PRRT1: variants seen among roughly 807,000 people sequenced by gnomAD.
PRRT1 encodes proline rich transmembrane protein 1, also known as proline-rich transmembrane protein 1.
A neutral mutation model predicts 22.6 loss-of-function variants in PRRT1; 8 were observed. That is an observed-to-expected ratio of 0.35 (90% CI 0.21 to 0.64). The LOEUF is 0.64. Among genes scored for constraint, PRRT1 ranks in the 30% least tolerant of loss-of-function variants. The pLI, the probability that PRRT1 is intolerant of heterozygous loss-of-function variation, is 0.69. For synonymous variants in PRRT1, 176 were observed against 203.6 expected, an observed-to-expected ratio of 0.86 and a Z score of 1.15; for missense variants, 315 against 444.5, an observed-to-expected ratio of 0.71 and a Z score of 2.62.
rs1018946194 is a variant in PRRT1, at chr6:32,151,832, G to A, written c.-5C>T. 1 of 1,610,848 alleles carries A rather than the reference G, an allele frequency of 6.2e-7. No individual in the cohort carries two copies. The highest frequency in any genetic ancestry group is 1.7e-5 in the Admixed American group (1 of 59,838). On this transcript the variant is annotated 5_prime_UTR_variant, in exon 1 of 4. Transcript: ENST00000211413. ...ACCTGACTTTTCGGATGACATGCCT[G>A]CGGTCTCGCTGGGACAGGGTCCCTG...
chr6:32,149,117 G>T lies in PRRT1; in HGVS notation c.*105C>A. On this transcript the variant is annotated 3_prime_UTR_variant, in exon 4 of 4. Coordinates refer to ENST00000211413, the MANE Select transcript of PRRT1 (RefSeq NM_030651.4). The surrounding 1 kb of genome is among the most constrained non-coding windows in gnomAD (Gnocchi z 8.7). ...AGTTTACGATGTATCCAAGTCTGACGGCCCCAGAAACGGGTGTGCAGGGCG... is the reference window on the plus strand; with the variant it reads ...AGTTTACGATGTATCCAAGTCTGACTGCCCCAGAAACGGGTGTGCAGGGCG... 8.4e-7 allele frequency: 1 copy of T among 1,193,348 alleles called. No homozygotes were observed. 73.9% of individuals were successfully genotyped at this position (1,193,348 alleles called of 1,614,324 possible).
Position 32,150,966 on chromosome 6 carries a change from A to G in PRRT1, c.20-60T>C, listed in dbSNP as rs1783236974. 1 of 1,341,182 alleles carries G rather than the reference A, an allele frequency of 7.5e-7. No individual in the cohort carries two copies. The highest frequency in any genetic ancestry group is 2.0e-5 in the Admixed American group (1 of 50,630). 83.1% of individuals were successfully genotyped at this position (1,341,182 alleles called of 1,614,324 possible). ...AAGATGACACAGTGATGAGTTGAGG[A>G]GGGGGTAAGGGGAAACACAGCCGGT... On this transcript the variant is annotated intron_variant, in intron 1 of 3. Transcript: ENST00000211413. This position sits in a 1 kb window ranked among gnomAD's most constrained non-coding sequence, Gnocchi z 7.2.
Position 32,151,799 on chromosome 6 carries a change from T to C in PRRT1, c.19+10A>G, listed in dbSNP as rs780924618. 33 of 1,607,232 alleles carry C rather than the reference T, an allele frequency of 2.1e-5. No individual in the cohort carries two copies. Among genetic ancestry groups the C allele is most frequent in the Non-Finnish European group, 2.8e-5 (33 of 1,176,714 alleles). ...GTGGAGGGGGTGGGAGGTTTTGTTA[T>C]TGTTTTTACCTGACTTTTCGGATGA... On this transcript the variant is annotated intron_variant, in intron 1 of 3. Coordinates refer to ENST00000211413, the MANE Select transcript of PRRT1 (RefSeq NM_030651.4).
Position 32,150,519 on chromosome 6 carries a change from G to A in PRRT1, c.407C>T (p.Ala136Val). The change falls in exon 2 of 4, where the codon GCG becomes GTG. Residue 136 changes from alanine to valine, a missense_variant. Ala to Val is a moderately conservative substitution (Grantham distance 64, BLOSUM62 0). Around this residue, in one of 4 missense-constraint regions of PRRT1, gnomAD observed 263 missense variants for 328.5 expected, o/e 0.80. Coordinates refer to ENST00000211413, the MANE Select transcript of PRRT1 (RefSeq NM_030651.4). The surrounding 1 kb of genome is among the most constrained non-coding windows in gnomAD (Gnocchi z 7.2). ...AGGGGCCTGGGCAGTCTGGGCTGGC[G>A]CCGGCGGGGGCGGGGCGGCGGCAGC... ...PPAAAAPPPP[A>V]PAQTAQAPGF... 2 of 1,386,724 alleles carry A rather than the reference G, an allele frequency of 1.4e-6. No homozygotes were observed. Among genetic ancestry groups the A allele is most frequent in the Admixed American group, 3.8e-5 (1 of 26,146 alleles). 85.9% of individuals were successfully genotyped at this position (1,386,724 alleles called of 1,614,324 possible). A position where few individuals can be genotyped will look rare whatever the true frequency, so the allele number is the denominator to read the frequency against.
chr6:32,151,666 G>A, intron 1 of PRRT1, 143 bp downstream of exon 1: 1 of 632,070 alleles, frequency 1.6e-6, no homozygotes, highest in Admixed American at 2.3e-5. Flanking sequence ...AAGAGGAGGG[G>A]GACTGGGGGA....
upstream of PRRT1, chr6:32,151,997 G>GGGGGGGGGT: frequency 2.6e-6 from 1 of 382,312 alleles, no homozygotes; most frequent in South Asian, 1.8e-5. Flanking sequence ...GCGGGGAGGG[G>GGGGGGGGGT]GGGAGCTTAA....
rs1286681526 is a variant in PRRT1 at position 32,151,849 on chromosome 6, G to C, written c.-22C>G. The C allele has an allele frequency of 6.2e-7, 1 of 1,609,366 alleles. No individual in the cohort carries two copies. Among genetic ancestry groups the C allele is most frequent in the African/African-American group, 1.3e-5 (1 of 74,390 alleles). On this transcript the variant is annotated 5_prime_UTR_variant, in exon 1 of 4. Transcript: ENST00000211413. ...ACATGCCTGCGGTCTCGCTGGGACAGGGTCCCTGCAGCCGGAGTGGGGGTC... is the reference window on the plus strand; with the variant it reads ...ACATGCCTGCGGTCTCGCTGGGACACGGTCCCTGCAGCCGGAGTGGGGGTC...
Position 32,148,488 on chromosome 6 carries a change from T to C in PRRT1, c.*734A>G. 1 of 292,398 alleles carries C rather than the reference T, an allele frequency of 3.4e-6. No individual in the cohort carries two copies. The highest frequency in any genetic ancestry group is 3.3e-5 in the South Asian group (1 of 30,528). 18.1% of individuals were successfully genotyped at this position (292,398 alleles called of 1,614,324 possible). A position where few individuals can be genotyped will look rare whatever the true frequency, so the allele number is the denominator to read the frequency against. On this transcript the variant is annotated 3_prime_UTR_variant, in exon 4 of 4. Transcript: ENST00000211413. The surrounding 1 kb of genome is among the most constrained non-coding windows in gnomAD (Gnocchi z 5.7). ...TGGGAGGTCCATAGCCTGGATTCCC[T>C]TCTGCCCGGCTGCCCAGGGGCTGGG...
At position 32,149,687 on chromosome 6, in the gene PRRT1, C is replaced by T; in HGVS notation, c.594G>A (p.Val198=). ...GGGGCGGCGGGGGGAGAGTGGAGGT[C>T]ACTCCTGTTCCCCCCGGGGTCCCGC... ...YAGGTPGGTG[V]TSTLPPPPQG... The change falls in exon 3 of 4, where the codon GTG becomes GTA. Residue 198 remains valine, a synonymous_variant. Coordinates refer to ENST00000211413, the MANE Select transcript of PRRT1 (RefSeq NM_030651.4). This position sits in a 1 kb window ranked among gnomAD's most constrained non-coding sequence, Gnocchi z 8.7. The T allele has an allele frequency of 6.2e-7, 1 of 1,605,272 alleles. No homozygotes were observed.
chr6:32,151,996 G>C, upstream of PRRT1: 19 of 382,498 alleles, frequency 5.0e-5, no homozygotes, highest in South Asian at 2.8e-4. Context: ...AGCGGGGAGG[G>C]GGGGAGCTTA....
Position 32,149,749 on chromosome 6 carries a change from G to T in PRRT1, c.559-27C>A, listed in dbSNP as rs1372935420. On this transcript the variant is annotated intron_variant, in intron 2 of 3. Coordinates refer to ENST00000211413, the MANE Select transcript of PRRT1 (RefSeq NM_030651.4). The surrounding 1 kb of genome is among the most constrained non-coding windows in gnomAD (Gnocchi z 8.7). ...TGTGGAAGGAAATTTGGGGGGCAGG[G>T]GCATCACTCTGACCCTCTCCCAGCC... 1 of 1,477,508 alleles carries T rather than the reference G, an allele frequency of 6.8e-7. No homozygotes were observed. The allele number at this position is 1,477,508 out of a possible 1,614,324, so 91.5% of individuals were successfully genotyped here.
chr6:32,151,969 G>C, upstream of PRRT1: 2 of 292,500 alleles, frequency 6.8e-6, no homozygotes, highest in Non-Finnish European at 1.4e-5. Flanking sequence ...GGGGGCGGGG[G>C]GGGCGGGCGG....
upstream of PRRT1, chr6:32,152,080 C>G (rs2127381040): frequency 1.4e-6 from 1 of 704,168 alleles, no homozygotes; most frequent in Non-Finnish European, 2.6e-6. Flanking sequence ...CGGACCACCT[C>G]TCTCCTCCTC....
chr6:32,152,708 G>A (rs1187227872), upstream of PRRT1: 2 of 155,138 alleles, frequency 1.3e-5, no homozygotes, highest in African/African-American at 4.8e-5. Context: ...GAGTCTCTGG[G>A]CTGGTCAATG....
Position 32,149,993 on chromosome 6 carries a change from C to T in PRRT1, c.559-271G>A. The T allele has an allele frequency of 1.9e-6, 1 of 521,232 alleles. No homozygotes were observed. The highest frequency in any genetic ancestry group is 3.3e-6 in the Non-Finnish European group (1 of 298,928). 32.3% of individuals were successfully genotyped at this position (521,232 alleles called of 1,614,324 possible). On this transcript the variant is annotated intron_variant, in intron 2 of 3. Coordinates refer to ENST00000211413, the MANE Select transcript of PRRT1 (RefSeq NM_030651.4). The surrounding 1 kb of genome is among the most constrained non-coding windows in gnomAD (Gnocchi z 8.7). Reference sequence around the variant, plus strand: ...GGGCTGTCCTGGCCTCAGGTCAGACCTTCTTTCTTCCCTCCAGACACCTAC... The same window carrying T: ...GGGCTGTCCTGGCCTCAGGTCAGACTTTCTTTCTTCCCTCCAGACACCTAC...
chr6:32,150,764 G>A lies in PRRT1; in HGVS notation c.162C>T (p.Ala54=). Residue 54 remains alanine (A), a synonymous_variant, in exon 2 of 4, where the codon GCC becomes GCT. Transcript: ENST00000211413. The surrounding 1 kb of genome is among the most constrained non-coding windows in gnomAD (Gnocchi z 7.2). Reference sequence around the variant, plus strand: ...CCCCTGCCCCTAAGCGCGGGAGGGTGGCGGTGCCAGACTGATGGTAGTGGT... The same window carrying A: ...CCCCTGCCCCTAAGCGCGGGAGGGTAGCGGTGCCAGACTGATGGTAGTGGT... ...HHHHYHQSGT[A]TLPRLGAGGL... 6.5e-7 allele frequency: 1 copy of A among 1,546,234 alleles called. No homozygotes were observed. The highest frequency in any genetic ancestry group is 1.8e-4 in the Middle Eastern group (1 of 5,638).
chr6:32,148,494 C>G lies in PRRT1; in HGVS notation c.*728G>C, dbSNP rs1174565674. 3.5e-6 allele frequency: 1 copy of G among 288,660 alleles called. No individual in the cohort carries two copies. Among genetic ancestry groups the G allele is most frequent in the Non-Finnish European group, 6.9e-6 (1 of 144,344 alleles). 17.9% of individuals were successfully genotyped at this position (288,660 alleles called of 1,614,324 possible). Reference sequence around the variant, plus strand: ...GTCCATAGCCTGGATTCCCTTCTGCCCGGCTGCCCAGGGGCTGGGATGGGT... The same window carrying G: ...GTCCATAGCCTGGATTCCCTTCTGCGCGGCTGCCCAGGGGCTGGGATGGGT... On this transcript the variant is annotated 3_prime_UTR_variant, in exon 4 of 4. Transcript: ENST00000211413. The surrounding 1 kb of genome is among the most constrained non-coding windows in gnomAD (Gnocchi z 5.7).
intron 1 of PRRT1, chr6:32,151,330 C>T: frequency 2.3e-6 from 1 of 431,220 alleles, no homozygotes; most frequent in Middle Eastern, 7.1e-4. Flanking sequence ...TGTGGGATGA[C>T]ATGTGTTCCA....
In PRRT1 at chr6:32,148,726, C is replaced by T. The variant is rs1361721307; in HGVS notation, c.*496G>A. ...GTGGGGGCCTTACTACCCCAGGGCT[C>T]GGTCCTTTTGCCGGAAGAAAGGGAG... is the stretch of plus-strand genomic sequence containing the variant. On this transcript the variant is annotated 3_prime_UTR_variant, in exon 4 of 4. Transcript: ENST00000211413. The surrounding 1 kb of genome is among the most constrained non-coding windows in gnomAD (Gnocchi z 5.7). The T allele has an allele frequency of 2.2e-6, 1 of 456,400 alleles. No individual in the cohort carries two copies. The highest frequency in any genetic ancestry group is 6.9e-5 in the East Asian group (1 of 14,490). The allele number at this position is 456,400 out of a possible 1,614,324, so 28.3% of individuals were successfully genotyped here.
Sources: gnomAD v4.1 joint callset for allele counts on GRCh38, gnomAD v4.1.1 for gene constraint, gnomAD v4.1.1 regional missense constraint, Gnocchi (gnomAD v3.1) non-coding constraint, MANE v1.5 for transcripts, NCBI Gene and HGNC (gene_info 2026-07-23, HGNC 2026-07-21) for gene names.